PLEKHA8: variants seen among roughly 807,000 people sequenced by gnomAD.
PLEKHA8 encodes pleckstrin homology domain containing A8.
PLEKHA8 carries 36 observed loss-of-function variants against 68.2 expected under a neutral mutation model. The ratio of observed to expected loss-of-function variants is 0.53; its 90% CI spans 0.40 to 0.70. PLEKHA8 has a LOEUF of 0.70. Among genes scored for constraint, PLEKHA8 ranks in the 30% least tolerant of loss-of-function variants. The pLI is 0.00. For missense variants in PLEKHA8, 505 were observed against 615.4 expected (o/e 0.82, Z 1.90); for synonymous variants, 211 against 216.1 (o/e 0.98, Z 0.20).
intron 13 of PLEKHA8, 113 bp downstream of exon 13, chr7:30,074,245 G>A: frequency 1.6e-6 from 1 of 627,478 alleles, no homozygotes; most frequent in African/African-American, 3.1e-5. Flanking sequence ...CAGAAACAAA[G>A]TTGTGTGTGT....
Position 30,052,731 on chromosome 7 carries a change from G to A in PLEKHA8, c.661G>A (p.Glu221Lys). The A allele has an allele frequency of 6.4e-7, 1 of 1,555,698 alleles. No individual in the cohort carries two copies. Among genetic ancestry groups the A allele is most frequent in the Non-Finnish European group, 8.6e-7 (1 of 1,159,684 alleles). Residue 221 changes from glutamate to lysine, a missense_variant, in exon 7 of 14, where the codon GAA becomes AAA. Physicochemically the swap from Glu to Lys is moderately conservative, Grantham distance 56 (BLOSUM62 1). Transcript: ENST00000449726. ...LERQMELSTC[E>K]NGSLNMEING... The stretch of plus-strand genomic sequence containing the variant: ...CAGGCAAATGGAGTTGAGCACTTGT[G>A]AAAATGGATCTTTAAATATGGAAAT...
chr7:30,100,916 A>G (rs942333080), intron 13 of PLEKHA8, among the ~76,000 whole-genome samples: 1 of 152,224 alleles, frequency 6.6e-6, no homozygotes, highest in Non-Finnish European at 1.5e-5. Flanking sequence ...GCAGCTGGGC[A>G]TGGTGGCTCA....
At chr7:30,090,755 T>C, downstream of PLEKHA8, 1 of 582,848 alleles carries the variant, frequency 1.7e-6, no homozygotes, top group Non-Finnish European at 2.2e-6. Context: ...TACGTATTGT[T>C]TCAGTTCACT....
At chr7:30,049,786 C>T (rs948884363) in intron 5 of PLEKHA8, among the ~76,000 whole-genome samples, 1 of 152,162 alleles carries the variant, frequency 6.6e-6, no homozygotes, top group African/African-American at 2.4e-5. Context: ...CTTCTTAACC[C>T]CTTCCCACAT....
intron 13 of PLEKHA8, among the ~76,000 whole-genome samples, chr7:30,104,973 G>T (rs1034039675): frequency 6.6e-6 from 1 of 151,926 alleles, no homozygotes; most frequent in Non-Finnish European, 1.5e-5. Flanking sequence ...TGATCCTCCT[G>T]TCTCAGCCTC....
intron 13 of PLEKHA8, among the ~76,000 whole-genome samples, chr7:30,119,651 T>G (rs187207001): frequency 3.3e-5 from 5 of 152,320 alleles, no homozygotes; most frequent in East Asian, 3.9e-4. Flanking sequence ...CCCATCTCCT[T>G]TGGAGAGGTT....
chr7:30,058,634 A>G (rs78441891), intron 9 of PLEKHA8, among the ~76,000 whole-genome samples: 1,559 of 152,216 alleles, frequency 0.01, 33 homozygotes, highest in African/African-American at 0.035. Context: ...TGTTCCAATG[A>G]TCTTATGGTG....
At chr7:30,086,183 A>G (rs995363139), downstream of PLEKHA8, among the ~76,000 whole-genome samples, 3 of 152,214 alleles carry the variant, frequency 2.0e-5, no homozygotes, top group African/African-American at 2.4e-5. Flanking sequence ...CACCACCACC[A>G]TCTGCCTCAC....
chr7:30,129,263 T>C, intron 13 of PLEKHA8: 1 of 1,612,826 alleles, frequency 6.2e-7, no homozygotes, highest in Non-Finnish European at 8.5e-7. Context: ...TATCCTGGTG[T>C]AGGTGTAGGA....
In PLEKHA8 at chr7:30,108,067, CAAAAAAAA is replaced by C. The variant is rs796801365; in HGVS notation, c.1363-21181_1363-21174del. Among the ~76,000 whole-genome samples, 210 of 52,834 alleles carry C rather than the reference CAAAAAAAA, an allele frequency of 4.0e-3. 1 individual carries two copies. The highest frequency in any genetic ancestry group is 0.032 in the East Asian group (42 of 1,310). The allele number at this position is 52,834 out of a possible 152,430, so 34.7% of individuals were successfully genotyped here. A position where few individuals can be genotyped will look rare whatever the true frequency, so the allele number is the denominator to read the frequency against. Reference sequence around the variant, plus strand: ...CTGGGCAAAAAGCAAAACTCCATCTCAAAAAAAAAAAAAAAAAAAAAAAAACCTACATT... The same window carrying C: ...CTGGGCAAAAAGCAAAACTCCATCTCAAAAAAAAAAAAAAAAACCTACATT... On this transcript the variant is annotated intron_variant, in intron 13 of 13. Coordinates refer to the PLEKHA8 transcript ENST00000396257.
chr7:30,052,921 G>A, intron 7 of PLEKHA8, 55 bp downstream of exon 7: 3 of 1,415,524 alleles, frequency 2.1e-6, no homozygotes, highest in East Asian at 2.5e-5. Context: ...AGAAAATTTG[G>A]GAATTTGATG....
At chr7:30,094,785 T>C (rs541605874), downstream of PLEKHA8, among the ~76,000 whole-genome samples, 95 of 151,558 alleles carry the variant, frequency 6.3e-4, no homozygotes, top group East Asian at 3.9e-4. Context: ...GTTTGGTTTT[T>C]TGTCCTCGTG....
intron 4 of PLEKHA8, among the ~76,000 whole-genome samples, chr7:30,048,324 G>A (rs967623086): frequency 6.6e-6 from 1 of 152,002 alleles, no homozygotes; most frequent in Non-Finnish European, 1.5e-5. Context: ...ATATTGTTTT[G>A]TTAATTACAG....
chr7:30,127,310 C>T (rs1445638031), intron 13 of PLEKHA8, among the ~76,000 whole-genome samples: 2 of 152,218 alleles, frequency 1.3e-5, no homozygotes, highest in African/African-American at 4.8e-5. Flanking sequence ...GAATATTATT[C>T]CCGTCAGGCC....
At chr7:30,100,132 T>A (rs1344991850) in intron 13 of PLEKHA8, among the ~76,000 whole-genome samples, 2 of 152,178 alleles carry the variant, frequency 1.3e-5, no homozygotes, top group Non-Finnish European at 2.9e-5. Flanking sequence ...TCTCTCCTCA[T>A]AAGGAGACCT....
At chr7:30,034,686 G>A (rs1232878256) in intron 1 of PLEKHA8, among the ~76,000 whole-genome samples, 1 of 152,172 alleles carries the variant, frequency 6.6e-6, no homozygotes, top group Non-Finnish European at 1.5e-5. Context: ...AGAGGAAGAG[G>A]AGGGGTTGGT....
At chr7:30,065,158 C>A (rs964932469) in intron 12 of PLEKHA8, among the ~76,000 whole-genome samples, 8 of 152,296 alleles carry the variant, frequency 5.3e-5, no homozygotes, top group African/African-American at 1.9e-4. Flanking sequence ...AGGGCAAATG[C>A]TGCTTTGTGA....
At chr7:30,039,678 C>G (rs923305647) in intron 1 of PLEKHA8, among the ~76,000 whole-genome samples, 3 of 152,142 alleles carry the variant, frequency 2.0e-5, no homozygotes, top group African/African-American at 4.8e-5. Flanking sequence ...ATCCTATCAC[C>G]TTGCTGAACT....
chr7:30,110,018 T>A (rs953879029), intron 13 of PLEKHA8, among the ~76,000 whole-genome samples: 4 of 152,182 alleles, frequency 2.6e-5, no homozygotes, highest in African/African-American at 9.7e-5. Context: ...AAAACTCAAT[T>A]GTATTGAGAA....
Sources: gnomAD v4.1 joint callset for allele counts (sites outside exome capture counted in the v4.1 genomes callset) on GRCh38, gnomAD v4.1.1 for gene constraint, MANE v1.5 for transcripts, NCBI Gene and HGNC (gene_info 2026-07-23, HGNC 2026-07-21) for gene names.